Variants in SPRING1 observed in about 807,000 individuals in gnomAD.
SPRING1 encodes SREBP regulating gene protein.
In SPRING1, 14 loss-of-function variants were observed where a neutral mutation model predicts 24.7. The observed-to-expected ratio is 0.57, with a 90% CI of 0.37 to 0.88. The LOEUF (loss-of-function observed/expected upper bound fraction) is 0.88, where lower values mean the gene tolerates loss of function less well. Among genes scored for constraint, SPRING1 ranks in the 40% least tolerant of loss-of-function variants. The pLI, the probability that SPRING1 is intolerant of heterozygous loss-of-function variation, is 0.00. For synonymous variants in SPRING1, 93 were observed against 106.1 expected (o/e 0.88, Z 0.76); for missense variants, 255 against 268.4 (o/e 0.95, Z 0.35).
intron 1 of SPRING1, among the ~76,000 whole-genome samples, chr12:116,737,114 G>T (rs1592927512): frequency 1.3e-5 from 2 of 152,284 alleles, no homozygotes; most frequent in East Asian, 3.9e-4. Context: ...AGTCCCCACC[G>T]CTGAAGGGTC....
chr12:116,737,762 G>A (rs1476136084), intron 1 of SPRING1, 28 bp downstream of exon 1: 1 of 1,553,058 alleles, frequency 6.4e-7, no homozygotes, highest in Non-Finnish European at 8.7e-7. Flanking sequence ...AAGAAGGGAA[G>A]GGGAGGAGGG....
Position 116,728,724 on chromosome 12 carries a change from C to T in SPRING1, c.112-5501G>A, listed in dbSNP as rs1870826543. On this transcript the variant is annotated intron_variant, in intron 1 of 4. Coordinates refer to ENST00000261318, the MANE Select transcript of SPRING1 (RefSeq NM_024738.4). The surrounding 1 kb of genome is among the most constrained non-coding windows in gnomAD (Gnocchi z 4.2). ...ACGGTACACACCCTGGACCCGTACA[C>T]TCCATCTCACCATCTCCATTTTACA... 6.6e-6 allele frequency among the ~76,000 whole-genome samples: 1 copy of T among 152,230 alleles called. No homozygotes were observed. The highest frequency in any genetic ancestry group is 2.4e-5 in the African/African-American group (1 of 41,460).
At chr12:116,733,676 C>G (rs760189834) in intron 1 of SPRING1, among the ~76,000 whole-genome samples, 13 of 152,060 alleles carry the variant, frequency 8.5e-5, no homozygotes, top group Non-Finnish European at 1.3e-4. Context: ...AAAAACATTA[C>G]AGTAAGCCAA....
rs745920461 is a variant in SPRING1 at position 116,723,050 on chromosome 12, A to G, written c.268+17T>C. The G allele has an allele frequency of 1.7e-5, 27 of 1,612,096 alleles. No homozygotes were observed. In the Admixed American group the frequency reaches 4.2e-4, roughly 25 times the overall value. ...TACGCTCCTGACCGCCTGGAGAGGA[A>G]GGGAAGCCAGCCTCACCGAGTTCAT... On this transcript the variant is annotated intron_variant, in intron 2 of 4. Coordinates refer to ENST00000261318, the MANE Select transcript of SPRING1 (RefSeq NM_024738.4).
chr12:116,737,791 T>A lies in SPRING1; in HGVS notation c.110A>T (p.Gln37Leu), dbSNP rs1282206667. The change falls in exon 1 of 5, where the codon CAG becomes CTG. Residue 37 changes from glutamine to leucine, a missense_variant and splice_region_variant. By Grantham distance (113) the Gln-to-Leu change is moderately radical. Transcript: ENST00000261318. Reference sequence around the variant, plus strand: ...AGGAGGGGAAGGGCGGCCACTGACCTGCTTGAAGGTGCTGCTGAGGAAGTA... The same window carrying A: ...AGGAGGGGAAGGGCGGCCACTGACCAGCTTGAAGGTGCTGCTGAGGAAGTA... The part of the protein sequence containing the change: ...LVYFLSSTFK[Q>L]EERAVRDRNL... 6.3e-7 allele frequency: 1 copy of A among 1,581,338 alleles called. No homozygotes were observed. Among genetic ancestry groups the A allele is most frequent in the South Asian group, 1.1e-5 (1 of 89,534 alleles).
intron 1 of SPRING1, among the ~76,000 whole-genome samples, chr12:116,726,665 T>C (rs1870710866): frequency 2.3e-5 from 1 of 43,752 alleles, no homozygotes; most frequent in South Asian, 8.0e-4. Flanking sequence ...TGGGACCCTA[T>C]CAGTTAACTG....
chr12:116,717,622 C>G lies in SPRING1; in HGVS notation c.*188G>C. 1 of 528,158 alleles carries G rather than the reference C, an allele frequency of 1.9e-6. No individual in the cohort carries two copies. The highest frequency in any genetic ancestry group is 2.5e-5 in the South Asian group (1 of 39,912). 32.7% of individuals were successfully genotyped at this position (528,158 alleles called of 1,614,324 possible). ...GGCCAAGCTGCTTTACAGAAGAGTT[C>G]CATCTGGTAAGCCCGGGTGGTGAGC... On this transcript the variant is annotated 3_prime_UTR_variant, in exon 5 of 5. Transcript: ENST00000261318. This position sits in a 1 kb window ranked among gnomAD's most constrained non-coding sequence, Gnocchi z 4.2.
intron 1 of SPRING1, among the ~76,000 whole-genome samples, chr12:116,726,956 C>T (rs1288752217): frequency 2.0e-5 from 3 of 152,132 alleles, no homozygotes; most frequent in South Asian, 2.1e-4. Flanking sequence ...TTTCCAAACA[C>T]GAATATTCAA....
At position 116,714,903 on chromosome 12, in the gene SPRING1, T is replaced by G. The variant is rs1870047135; in HGVS notation, c.*2907A>C. On this transcript the variant is annotated 3_prime_UTR_variant, in exon 5 of 5. Transcript: ENST00000261318. Reference sequence around the variant, plus strand: ...GCTTGTCTCAGAGCCCTTTTCACAGTCTCTTGTGTGCTTCTTTCCCTGTTA... The same window carrying G: ...GCTTGTCTCAGAGCCCTTTTCACAGGCTCTTGTGTGCTTCTTTCCCTGTTA... 1 of 151,426 alleles carries G rather than the reference T, an allele frequency of 6.6e-6. No homozygotes were observed. Among genetic ancestry groups the G allele is most frequent in the Non-Finnish European group, 1.5e-5 (1 of 67,926 alleles). 9.4% of individuals were successfully genotyped at this position (151,426 alleles called of 1,614,324 possible).
rs1870801039 is a variant in SPRING1 at position 116,728,312 on chromosome 12, G to A, written c.112-5089C>T. On this transcript the variant is annotated intron_variant, in intron 1 of 4. Transcript: ENST00000261318. The surrounding 1 kb of genome is among the most constrained non-coding windows in gnomAD (Gnocchi z 4.2). ...CCTCCTTACCCGCTAGTGGAATATA[G>A]GCTCTTGGAGGGGAGAGACGTCATC... Among the ~76,000 whole-genome samples the A allele has an allele frequency of 6.6e-6, 1 of 152,094 alleles. No homozygotes were observed. Among genetic ancestry groups the A allele is most frequent in the Admixed American group, 6.6e-5 (1 of 15,258 alleles).
chr12:116,724,275 A>G (rs748575492), intron 1 of SPRING1, among the ~76,000 whole-genome samples: 4 of 152,266 alleles, frequency 2.6e-5, no homozygotes, highest in Non-Finnish European at 4.4e-5. Flanking sequence ...TTTATCTAGG[A>G]AAGTAATCTA....
Position 116,711,724 on chromosome 12 carries a change from C to T in SPRING1, c.*6086G>A, listed in dbSNP as rs1431047232. The T allele has an allele frequency of 6.6e-6, 1 of 152,460 alleles. No individual in the cohort carries two copies. The highest frequency in any genetic ancestry group is 1.5e-5 in the Non-Finnish European group (1 of 68,282). 9.4% of individuals were successfully genotyped at this position (152,460 alleles called of 1,614,324 possible). A position where few individuals can be genotyped will look rare whatever the true frequency, so the allele number is the denominator to read the frequency against. ...TGACCTCCTGGACTCAAGCCATCCTCCCGCCTCAGCCTCCTGAGTAGCTGG... is the reference window on the plus strand; with the variant it reads ...TGACCTCCTGGACTCAAGCCATCCTTCCGCCTCAGCCTCCTGAGTAGCTGG... On this transcript the variant is annotated 3_prime_UTR_variant, in exon 5 of 5. Transcript: ENST00000261318.
chr12:116,724,489 G>A (rs1366600607), intron 1 of SPRING1, among the ~76,000 whole-genome samples: 2 of 152,062 alleles, frequency 1.3e-5, no homozygotes, highest in Non-Finnish European at 2.9e-5. Flanking sequence ...GGCCGAGGCT[G>A]GTGGATCACC....
chr12:116,716,146 G>A lies in SPRING1; in HGVS notation c.*1664C>T, dbSNP rs1023808783. 2 of 152,186 alleles carry A rather than the reference G, an allele frequency of 1.3e-5. No homozygotes were observed. The highest frequency in any genetic ancestry group is 2.4e-5 in the African/African-American group (1 of 41,436). 9.4% of individuals were successfully genotyped at this position (152,186 alleles called of 1,614,324 possible). A position where few individuals can be genotyped will look rare whatever the true frequency, so the allele number is the denominator to read the frequency against. On this transcript the variant is annotated 3_prime_UTR_variant, in exon 5 of 5. Transcript: ENST00000261318. ...GTCCTGCTGCAAACACATGGAATCC[G>A]AGAAGTCCAATGCAAACGGAATAGA...
rs1870828527 is a variant in SPRING1, at chr12:116,728,752, G to A, written c.112-5529C>T. Reference sequence around the variant, plus strand: ...CATCTCACCATCTCCATTTTACAGAGGAAGAACCCCAACTCCCTCAAGGCC... The same window carrying A: ...CATCTCACCATCTCCATTTTACAGAAGAAGAACCCCAACTCCCTCAAGGCC... On this transcript the variant is annotated intron_variant, in intron 1 of 4. Coordinates refer to ENST00000261318, the MANE Select transcript of SPRING1 (RefSeq NM_024738.4). This position sits in a 1 kb window ranked among gnomAD's most constrained non-coding sequence, Gnocchi z 4.2. 6.6e-6 allele frequency among the ~76,000 whole-genome samples: 1 copy of A among 152,244 alleles called. No homozygotes were observed. The highest frequency in any genetic ancestry group is 1.9e-4 in the East Asian group (1 of 5,172).
intron 1 of SPRING1, among the ~76,000 whole-genome samples, chr12:116,726,436 G>A (rs1017163726): frequency 6.6e-6 from 1 of 152,110 alleles, no homozygotes; most frequent in South Asian, 2.1e-4. Flanking sequence ...GTCTTTCAAG[G>A]TGGCTTTAAT....
chr12:116,712,314 G>T lies in SPRING1; in HGVS notation c.*5496C>A, dbSNP rs954052848. 1 of 152,236 alleles carries T rather than the reference G, an allele frequency of 6.6e-6. No individual in the cohort carries two copies. The allele number at this position is 152,236 out of a possible 1,614,324, so 9.4% of individuals were successfully genotyped here. ...ACTGAGTAGGTTCTGTGGAGACGCAGTCGGCCCATATGCACGTCACCACTC... is the reference window on the plus strand; with the variant it reads ...ACTGAGTAGGTTCTGTGGAGACGCATTCGGCCCATATGCACGTCACCACTC... On this transcript the variant is annotated 3_prime_UTR_variant, in exon 5 of 5. Coordinates refer to ENST00000261318, the MANE Select transcript of SPRING1 (RefSeq NM_024738.4).
In SPRING1 at chr12:116,717,995, T is replaced by C. The variant is rs1242272659; in HGVS notation, c.535-102A>G. On this transcript the variant is annotated intron_variant, in intron 4 of 4. Coordinates refer to ENST00000261318, the MANE Select transcript of SPRING1 (RefSeq NM_024738.4). The surrounding 1 kb of genome is among the most constrained non-coding windows in gnomAD (Gnocchi z 4.2). The stretch of plus-strand genomic sequence containing the variant: ...TGGATCGGGACTGTCAGACTCTCCC[T>C]GCAGGGGGCTGGCCGAGTCCATCTC... 1.0e-6 allele frequency: 1 copy of C among 977,856 alleles called. No individual in the cohort carries two copies. The highest frequency in any genetic ancestry group is 1.4e-6 in the Non-Finnish European group (1 of 698,428). The allele number at this position is 977,856 out of a possible 1,614,324, so 60.6% of individuals were successfully genotyped here. A position where few individuals can be genotyped will look rare whatever the true frequency, so the allele number is the denominator to read the frequency against.
intron 1 of SPRING1, 113 bp from the exon 2 acceptor site, chr12:116,723,336 A>G (rs893004307): frequency 2.3e-6 from 3 of 1,283,694 alleles, no homozygotes; most frequent in Non-Finnish European, 3.2e-6. Flanking sequence ...AAAGGCTTAC[A>G]CTACCAGAAT....
Sources: allele counts gnomAD v4.1 joint callset (sites outside exome capture counted in the v4.1 genomes callset), GRCh38; gene constraint gnomAD v4.1.1; non-coding constraint Gnocchi (gnomAD v3.1); transcripts MANE v1.5; gene names NCBI Gene and HGNC (gene_info 2026-07-23, HGNC 2026-07-21).